The following KMT2B variants were observed in gnomAD, a reference collection of about 807,000 sequenced individuals.
The protein encoded by KMT2B is lysine methyltransferase 2B.
Under a neutral mutation model 255.3 loss-of-function variants are expected in KMT2B, and 22 were observed. That is an observed-to-expected ratio of 0.09 (90% CI 0.06 to 0.12). The LOEUF (loss-of-function observed/expected upper bound fraction) is 0.12. Among genes scored for constraint, KMT2B ranks in the 10% least tolerant of loss-of-function variants. The pLI is 1.00. For missense variants in KMT2B, 3,149 were observed against 3,737.0 expected, an observed-to-expected ratio of 0.84 and a Z score of 4.10; for synonymous variants, 1,730 against 1,498.1, an observed-to-expected ratio of 1.15 and a Z score of -3.57.
In KMT2B at chr19:35,721,708, G is replaced by A; in HGVS notation, c.2361G>A (p.Gly787=). Residue 787 remains glycine (G), a synonymous_variant, in exon 3 of 37, where the codon GGG becomes GGA. Coordinates refer to ENST00000420124, the MANE Select transcript of KMT2B (RefSeq NM_014727.3). ...GCGTGGGTTCCTTGCCGCTGTCTGG[G>A]GTAGAGGAGAAGATGTTCAGCCTCC... The part of the protein sequence containing the change: ...IAGVGSLPLS[G]VEEKMFSLLK... 6.2e-7 allele frequency: 1 copy of A among 1,610,550 alleles called. No individual in the cohort carries two copies. Among genetic ancestry groups the A allele is most frequent in the African/African-American group, 1.3e-5 (1 of 74,980 alleles).
chr19:35,727,027 A>T lies in KMT2B; in HGVS notation c.4004-129A>T. The T allele has an allele frequency of 1.5e-5, 7 of 465,998 alleles. No individual in the cohort carries two copies. The highest frequency in any genetic ancestry group is 4.0e-5 in the East Asian group (1 of 25,198). The allele number at this position is 465,998 out of a possible 1,614,324, so 28.9% of individuals were successfully genotyped here. A position where few individuals can be genotyped will look rare whatever the true frequency, so the allele number is the denominator to read the frequency against. On this transcript the variant is annotated intron_variant, in intron 14 of 36. Transcript: ENST00000420124. This position sits in a 1 kb window ranked among gnomAD's most constrained non-coding sequence, Gnocchi z 4.2. Reference sequence around the variant, plus strand: ...AAAGCCTCATCCTCAAGGAGCTTTTAGGGACTAGTAGGGGCCCAAAACAGG... The same window carrying T: ...AAAGCCTCATCCTCAAGGAGCTTTTTGGGACTAGTAGGGGCCCAAAACAGG...
In KMT2B at chr19:35,719,506, C is replaced by G; in HGVS notation, c.401C>G (p.Pro134Arg). 1.3e-6 allele frequency: 2 copies of G among 1,592,278 alleles called. No homozygotes were observed. Among genetic ancestry groups the G allele is most frequent in the Non-Finnish European group, 1.7e-6 (2 of 1,169,562 alleles). Reference protein sequence around the residue: ...QGFHSDEDVAPSSLRSALRSQ... With the variant: ...QGFHSDEDVARSSLRSALRSQ... Reference sequence around the variant, plus strand: ...TTTCATTCAGATGAAGATGTGGCCCCCAGTTCCCTGCGCTCTGCGCTCCGA... The same window carrying G: ...TTTCATTCAGATGAAGATGTGGCCCGCAGTTCCCTGCGCTCTGCGCTCCGA... Residue 134 changes from proline to arginine, a missense_variant, in exon 2 of 37, where the codon CCC becomes CGC. This residue lies in a region of KMT2B where 1,188 missense variants were observed against 1,106.4 expected (regional missense o/e 1.07). Coordinates refer to ENST00000420124, the MANE Select transcript of KMT2B (RefSeq NM_014727.3).
At position 35,738,528 on chromosome 19, in the gene KMT2B, G is replaced by A. The variant is rs1356978354; in HGVS notation, c.8119G>A (p.Ala2707Thr). The A allele has an allele frequency of 4.3e-6, 7 of 1,613,606 alleles. No individual in the cohort carries two copies. Among genetic ancestry groups the A allele is most frequent in the Admixed American group, 3.3e-5 (2 of 59,962 alleles). Reference protein sequence around the residue: ...ASNKLPCNCGAKRCRRFLN With the variant: ...ASNKLPCNCGTKRCRRFLN The stretch of plus-strand genomic sequence containing the variant: ...CAACAAGCTGCCCTGCAACTGTGGC[G>A]CCAAGCGCTGCCGTCGGTTCCTTAA... The change falls in exon 37 of 37, where the codon GCC (alanine) becomes ACC (threonine). Residue 2707 changes from alanine (A) to threonine (T), a missense_variant. This residue lies in a region of KMT2B where 56 missense variants were observed against 238.8 expected (regional missense o/e 0.23). Transcript: ENST00000420124. The surrounding 1 kb of genome is among the most constrained non-coding windows in gnomAD (Gnocchi z 8.7).
chr19:35,721,249 C>T lies in KMT2B; in HGVS notation c.1902C>T (p.Pro634=). 6.6e-7 allele frequency: 1 copy of T among 1,526,528 alleles called. No homozygotes were observed. The highest frequency in any genetic ancestry group is 8.8e-7 in the Non-Finnish European group (1 of 1,135,378). 94.6% of individuals were successfully genotyped at this position (1,526,528 alleles called of 1,614,324 possible). Residue 634 remains proline, a synonymous_variant, in exon 3 of 37, where the codon CCC becomes CCT. Transcript: ENST00000420124. ...CACCTCCCCCGGCCCCCTCCCCACC[C>T]CCTGCTCCTGCCACCTCCTCCCGGA... ...APPPPPAPSP[P]PAPATSSRRP... is the part of the protein sequence containing the mutation.
At chr19:35,719,325 G>A (rs1446882549) in intron 1 of KMT2B, 144 bp from the exon 2 acceptor site, 1 of 646,066 alleles carries the variant, frequency 1.5e-6, no homozygotes, top group Middle Eastern at 3.5e-4. Flanking sequence ...TCCACTACCC[G>A]CGACCTTTGA....
In KMT2B at chr19:35,737,111, C is replaced by T. The variant is rs376228636; in HGVS notation, c.7398C>T (p.Gly2466=). The T allele has an allele frequency of 5.0e-6, 8 of 1,609,750 alleles. No individual in the cohort carries two copies. The highest frequency in any genetic ancestry group is 6.8e-6 in the Non-Finnish European group (8 of 1,177,364). Reference sequence around the variant, plus strand: ...GAATGAGTGGGGCGAGACTCCTGGGCATCCACCATGATGCTGTCATCTTCC... The same window carrying T: ...GAATGAGTGGGGCGAGACTCCTGGGTATCCACCATGATGCTGTCATCTTCC... ...FSGMSGARLL[G]IHHDAVIFLA... Residue 2466 remains glycine, a synonymous_variant, in exon 33 of 37, where the codon GGC becomes GGT. Coordinates refer to ENST00000420124, the MANE Select transcript of KMT2B (RefSeq NM_014727.3). The surrounding 1 kb of genome is among the most constrained non-coding windows in gnomAD (Gnocchi z 5.3).
chr19:35,732,126 C>T lies in KMT2B; in HGVS notation c.5656C>T (p.Pro1886Ser). 1 of 1,592,924 alleles carries T rather than the reference C, an allele frequency of 6.3e-7. No homozygotes were observed. Among genetic ancestry groups the T allele is most frequent in the South Asian group, 1.1e-5 (1 of 88,348 alleles). The change falls in exon 27 of 37, where the codon CCC (proline) becomes TCC (serine). Residue 1886 changes from proline (P) to serine (S), a missense_variant. By Grantham distance (74) the Pro-to-Ser change is moderately conservative. Coordinates refer to ENST00000420124, the MANE Select transcript of KMT2B (RefSeq NM_014727.3). ...PLGGVSFGPL[P>S]SPGSPSSLTH... ...GGGGGGTGTCTCCTTTGGCCCCCTG[C>T]CCTCCCCTGGTGAGCACCGGGCATG...
In KMT2B at chr19:35,738,268, C is replaced by A; in HGVS notation, c.7873-14C>A. On this transcript the variant is annotated splice_polypyrimidine_tract_variant and intron_variant, in intron 36 of 36. Coordinates refer to ENST00000420124, the MANE Select transcript of KMT2B (RefSeq NM_014727.3). The surrounding 1 kb of genome is among the most constrained non-coding windows in gnomAD (Gnocchi z 8.7). ...GGGGACAGAGCACCTGATCTCCCCA[C>A]CTCATCCCTGCAGGGCATCGGGTGC... is the stretch of plus-strand genomic sequence containing the variant. 1 of 1,613,358 alleles carries A rather than the reference C, an allele frequency of 6.2e-7. No individual in the cohort carries two copies. The highest frequency in any genetic ancestry group is 8.5e-7 in the Non-Finnish European group (1 of 1,179,438).
rs1175489067 is a variant in KMT2B, at chr19:35,723,979, T to G, written c.3306T>G (p.Ala1102=). 6.2e-7 allele frequency: 1 copy of G among 1,602,976 alleles called. No homozygotes were observed. The highest frequency in any genetic ancestry group is 1.7e-5 in the Admixed American group (1 of 57,934). The change falls in exon 8 of 37, where the codon GCT becomes GCG. Residue 1102 remains alanine, a synonymous_variant. Coordinates refer to ENST00000420124, the MANE Select transcript of KMT2B (RefSeq NM_014727.3). The surrounding 1 kb of genome is among the most constrained non-coding windows in gnomAD (Gnocchi z 7.5). ...SDDSEPGGPP[A]PRRRTPRENE... ...ACTCGGAGCCCGGGGGCCCCCCTGC[T>G]CCTCGGCGTCGGACCCCCCGAGAAA... is the stretch of plus-strand genomic sequence containing the variant.
In KMT2B at chr19:35,728,864, G is replaced by A. The variant is rs191868666; in HGVS notation, c.4662G>A (p.Gly1554=). 4 of 1,613,942 alleles carry A rather than the reference G, an allele frequency of 2.5e-6. No individual in the cohort carries two copies. The African/African-American group carries it at 5.3e-5, about 22-fold the overall frequency. Residue 1554 remains glycine, a synonymous_variant, in exon 20 of 37, where the codon GGG becomes GGA. Transcript: ENST00000420124. Reference sequence around the variant, plus strand: ...AGGAACCAGAGACCCCAGAATCAGGGCAGCCTCCAGGGGATCCCTCAGCAG... The same window carrying A: ...AGGAACCAGAGACCCCAGAATCAGGACAGCCTCCAGGGGATCCCTCAGCAG... ...RQQEPETPES[G]QPPGDPSAAF...
At position 35,721,006 on chromosome 19, in the gene KMT2B, A is replaced by G; in HGVS notation, c.1659A>G (p.Lys553=). 6.2e-7 allele frequency: 1 copy of G among 1,607,116 alleles called. No homozygotes were observed. The highest frequency in any genetic ancestry group is 1.1e-5 in the South Asian group (1 of 90,060). ...GATTTATGGATGAAGACCCCCCCAA[A>G]CCCCCAAAGGTGGAGGTCTCACCTG... ...PRRFMDEDPP[K]PPKVEVSPVL... The change falls in exon 3 of 37, where the codon AAA becomes AAG. Residue 553 remains lysine, a synonymous_variant. Transcript: ENST00000420124.
At position 35,737,528 on chromosome 19, in the gene KMT2B, T is replaced by G; in HGVS notation, c.7551-108T>G. Reference sequence around the variant, plus strand: ...AAAACCCCATCTCTAAAATAAAAATTTAAAAAAGTTATTTCTAGAGCTGAC... The same window carrying G: ...AAAACCCCATCTCTAAAATAAAAATGTAAAAAAGTTATTTCTAGAGCTGAC... On this transcript the variant is annotated intron_variant, in intron 33 of 36. Coordinates refer to ENST00000420124, the MANE Select transcript of KMT2B (RefSeq NM_014727.3). The surrounding 1 kb of genome is among the most constrained non-coding windows in gnomAD (Gnocchi z 5.3). The G allele has an allele frequency of 1.2e-6, 1 of 853,210 alleles. No individual in the cohort carries two copies. The highest frequency in any genetic ancestry group is 1.8e-6 in the Non-Finnish European group (1 of 560,220). The allele number at this position is 853,210 out of a possible 1,614,324, so 52.9% of individuals were successfully genotyped here. A position where few individuals can be genotyped will look rare whatever the true frequency, so the allele number is the denominator to read the frequency against.
Position 35,735,045 on chromosome 19 carries a change from A to G in KMT2B, c.7159+1173A>G, listed in dbSNP as rs375409080. 7.2e-5 allele frequency among the ~76,000 whole-genome samples: 11 copies of G among 152,208 alleles called. 1 individual carries two copies. The highest frequency in any genetic ancestry group is 2.6e-4 in the African/African-American group (11 of 41,522). The stretch of plus-strand genomic sequence containing the variant: ...AGGGCAGGTTAGAGTGGGCACTGAG[A>G]AACCGAGCAGTGAGAGCACCTGCCA... On this transcript the variant is annotated intron_variant, in intron 30 of 36. Coordinates refer to ENST00000420124, the MANE Select transcript of KMT2B (RefSeq NM_014727.3).
rs1969049950 is a variant in KMT2B at position 35,718,525 on chromosome 19, A to C, written c.363+144A>C. 2.9e-6 allele frequency: 3 copies of C among 1,019,432 alleles called. No homozygotes were observed. Among genetic ancestry groups the C allele is most frequent in the East Asian group, 3.6e-5 (1 of 27,648 alleles). The allele number at this position is 1,019,432 out of a possible 1,614,324, so 63.1% of individuals were successfully genotyped here. ...CGGGGCACGGAGGGAGGGCGGCTGC[A>C]TGCAGCTTCCGGGGGAAAGGGCCTC... On this transcript the variant is annotated intron_variant, in intron 1 of 36. Transcript: ENST00000420124. This position sits in a 1 kb window ranked among gnomAD's most constrained non-coding sequence, Gnocchi z 5.0.
rs1458797383 is a variant in KMT2B, at chr19:35,730,086, A to G, written c.5037A>G (p.Lys1679=). ...ASYCIFQDDK[K]VFCQKHTDLL... ...ACTGCATCTTCCAGGATGACAAGAA[A>G]GTCTTCTGCCAGAAACACACTGATC... The change falls in exon 23 of 37, where the codon AAA becomes AAG. Residue 1679 remains lysine, a synonymous_variant. Transcript: ENST00000420124. 1.2e-6 allele frequency: 2 copies of G among 1,613,548 alleles called. No individual in the cohort carries two copies. Among genetic ancestry groups the G allele is most frequent in the Non-Finnish European group, 1.7e-6 (2 of 1,179,752 alleles).
Position 35,728,872 on chromosome 19 carries a change from C to T in KMT2B, c.4670C>T (p.Pro1557Leu), listed in dbSNP as rs921714579. 10 of 1,613,796 alleles carry T rather than the reference C, an allele frequency of 6.2e-6. No homozygotes were observed. The African/African-American group carries it at 1.2e-4, about 19-fold the overall frequency. ...EPETPESGQP[P>L]GDPSAAFQGK... Reference sequence around the variant, plus strand: ...GAGACCCCAGAATCAGGGCAGCCTCCAGGGGATCCCTCAGCAGGTACTGGG... The same window carrying T: ...GAGACCCCAGAATCAGGGCAGCCTCTAGGGGATCCCTCAGCAGGTACTGGG... Residue 1557 changes from proline (P) to leucine (L), a missense_variant, in exon 20 of 37, where the codon CCA (proline) becomes CTA (leucine). Pro to Leu is a moderately conservative substitution (Grantham distance 98). This residue lies in a region of KMT2B where 377 missense variants were observed against 471.0 expected (regional missense o/e 0.80). Coordinates refer to ENST00000420124, the MANE Select transcript of KMT2B (RefSeq NM_014727.3).
In KMT2B at chr19:35,723,728, G is replaced by C. The variant is rs201534623; in HGVS notation, c.3059-4G>C. The C allele has an allele frequency of 1.2e-5, 18 of 1,521,288 alleles. No homozygotes were observed. Among genetic ancestry groups the C allele is most frequent in the Non-Finnish European group, 1.6e-5 (18 of 1,134,558 alleles). 94.2% of individuals were successfully genotyped at this position (1,521,288 alleles called of 1,614,324 possible). A position where few individuals can be genotyped will look rare whatever the true frequency, so the allele number is the denominator to read the frequency against. ...AAATCCTACTAAGTCCCCTGTTCCC[G>C]CAGGCCGGACGATAGTGAAGACGCT... On this transcript the variant is annotated splice_region_variant and splice_polypyrimidine_tract_variant and intron_variant, in intron 7 of 36. Transcript: ENST00000420124. This position sits in a 1 kb window ranked among gnomAD's most constrained non-coding sequence, Gnocchi z 7.5.
chr19:35,724,531 C>G, intron 8 of KMT2B, 106 bp from the exon 9 acceptor site: 1 of 922,072 alleles, frequency 1.1e-6, no homozygotes, highest in South Asian at 1.4e-5. Flanking sequence ...CCTGGCGGGT[C>G]TTGGTTAGTT....
Position 35,738,002 on chromosome 19 carries a change from G to C in KMT2B, c.7742+60G>C. On this transcript the variant is annotated intron_variant, in intron 35 of 36. Transcript: ENST00000420124. This position sits in a 1 kb window ranked among gnomAD's most constrained non-coding sequence, Gnocchi z 8.7. ...TGGACGGACAGGTGCACTGGGTAGG[G>C]GGTACTGTCTGGTTTCTGTCCCCCT... The C allele has an allele frequency of 6.2e-7, 1 of 1,612,300 alleles. No individual in the cohort carries two copies. Among genetic ancestry groups the C allele is most frequent in the East Asian group, 2.2e-5 (1 of 44,848 alleles).
Sources: gnomAD v4.1 joint callset for allele counts (sites outside exome capture counted in the v4.1 genomes callset) on GRCh38, gnomAD v4.1.1 for gene constraint, gnomAD v4.1.1 regional missense constraint, Gnocchi (gnomAD v3.1) non-coding constraint, MANE v1.5 for transcripts, NCBI Gene and HGNC (gene_info 2026-07-23, HGNC 2026-07-21) for gene names.